The following PXDNL variants were observed in gnomAD, a reference collection of about 807,000 sequenced individuals.
The protein encoded by PXDNL is probable oxidoreductase PXDNL.
Under a neutral mutation model 150.8 loss-of-function variants are expected in PXDNL, and 145 were observed. The observed-to-expected ratio is 0.96, with a 90% CI of 0.84 to 1.10. PXDNL has a LOEUF of 1.10. Ranked by LOEUF, PXDNL falls within the 50% of genes least tolerant of loss-of-function variation. PXDNL has a pLI of 0.00. For synonymous variants in PXDNL, 757 were observed against 725.7 expected (o/e 1.04, Z -0.69); for missense variants, 2,087 against 1,873.9 (o/e 1.11, Z -2.10).
At chr8:51,464,697 A>AAC (rs1810162866) in intron 8 of PXDNL, among the ~76,000 whole-genome samples, 2 of 152,074 alleles carry the variant, frequency 1.3e-5, no homozygotes, top group Non-Finnish European at 2.9e-5. Flanking sequence ...GGAGGGTAAC[A>AAC]TCACACACCA....
intron 2 of PXDNL, among the ~76,000 whole-genome samples, chr8:51,645,652 A>G (rs1376080309): frequency 6.6e-6 from 1 of 152,158 alleles, no homozygotes; most frequent in Admixed American, 6.6e-5. Flanking sequence ...AGGTAAAGAG[A>G]GATTAGAATG....
chr8:51,600,917 A>G (rs7002927), intron 2 of PXDNL, among the ~76,000 whole-genome samples: 1 of 139,116 alleles, frequency 7.2e-6, no homozygotes, highest in Non-Finnish European at 1.5e-5. Context: ...ATTACATCTT[A>G]TATAAATTAT....
chr8:51,383,502 A>T (rs984405132), intron 17 of PXDNL, among the ~76,000 whole-genome samples: 2 of 152,214 alleles, frequency 1.3e-5, no homozygotes, highest in Non-Finnish European at 2.9e-5. Context: ...GGGCGCTGGT[A>T]ACTTTGGCCA....
Position 51,744,075 on chromosome 8 carries a change from AAGGAAGGAAGGAAG to A in PXDNL, c.164+65092_164+65105del, listed in dbSNP as rs1563307159. 9.0e-3 allele frequency among the ~76,000 whole-genome samples: 753 copies of A among 83,890 alleles called. 12 individuals carry two copies. Among genetic ancestry groups the A allele is most frequent in the South Asian group, 0.011 (24 of 2,092 alleles). 55.0% of individuals were successfully genotyped at this position (83,890 alleles called of 152,430 possible). A position where few individuals can be genotyped will look rare whatever the true frequency, so the allele number is the denominator to read the frequency against. On this transcript the variant is annotated intron_variant, in intron 1 of 22. Coordinates refer to ENST00000356297, the MANE Select transcript of PXDNL (RefSeq NM_144651.5). ...GAAGGAAGGAAGGAAGGAAGGAAGGAAGGAAGGAAGGAAGGAAGGAAAGAAAGAAAGAAAGAAAG... is the reference window on the plus strand; with the variant it reads ...GAAGGAAGGAAGGAAGGAAGGAAGGAGAAGGAAAGAAAGAAAGAAAGAAAG...
At chr8:51,644,343 C>T (rs1287832323) in intron 2 of PXDNL, among the ~76,000 whole-genome samples, 8,789 of 44,594 alleles carry the variant, frequency 0.2, 2,151 homozygotes, top group Non-Finnish European at 0.3. Context: ...TATATACACA[C>T]ACACACACAC....
At chr8:51,718,013 T>A (rs996846808) in intron 1 of PXDNL, among the ~76,000 whole-genome samples, 1 of 152,168 alleles carries the variant, frequency 6.6e-6, no homozygotes, top group South Asian at 2.1e-4. Context: ...TTTTTTTTTT[T>A]AATTACTACA....
intron 2 of PXDNL, among the ~76,000 whole-genome samples, chr8:51,612,969 TC>T (rs1418628490): frequency 6.6e-6 from 1 of 152,190 alleles, no homozygotes; most frequent in Non-Finnish European, 1.5e-5. Flanking sequence ...CTGTATGTCA[TC>T]TGTTTCCTGT....
At chr8:51,764,331 T>TA in intron 1 of PXDNL, among the ~76,000 whole-genome samples, 1 of 152,004 alleles carries the variant, frequency 6.6e-6, no homozygotes. Flanking sequence ...AACTTTATGA[T>TA]TTCTTTCATT....
chr8:51,385,996 T>G (rs1234060100), intron 17 of PXDNL, among the ~76,000 whole-genome samples: 2 of 152,176 alleles, frequency 1.3e-5, no homozygotes, highest in Non-Finnish European at 2.9e-5. Context: ...GAAAATGGAC[T>G]AATAGACCAT....
chr8:51,602,724 A>G (rs538266365), intron 2 of PXDNL, among the ~76,000 whole-genome samples: 2 of 151,768 alleles, frequency 1.3e-5, no homozygotes, highest in South Asian at 4.2e-4. Flanking sequence ...TTTCTTTATC[A>G]ACTTATTAAA....
chr8:51,765,042 T>C (rs1025548719), intron 1 of PXDNL, among the ~76,000 whole-genome samples: 13 of 152,328 alleles, frequency 8.5e-5, no homozygotes, highest in African/African-American at 2.9e-4. Context: ...ACAGTCTCCT[T>C]TGTCTCTAGC....
At chr8:51,379,677 T>C (rs1422820428) in intron 17 of PXDNL, among the ~76,000 whole-genome samples, 1 of 152,222 alleles carries the variant, frequency 6.6e-6, no homozygotes, top group Non-Finnish European at 1.5e-5. Context: ...GGTCATTTTA[T>C]CAATTTTTAT....
At chr8:51,643,885 G>C (rs1299604579) in intron 2 of PXDNL, among the ~76,000 whole-genome samples, 1 of 152,124 alleles carries the variant, frequency 6.6e-6, no homozygotes, top group African/African-American at 2.4e-5. Context: ...TGAAGGATAT[G>C]AACAGACACT....
chr8:51,666,807 T>C (rs1228491072), intron 1 of PXDNL, among the ~76,000 whole-genome samples: 1 of 152,216 alleles, frequency 6.6e-6, no homozygotes, highest in East Asian at 1.9e-4. Context: ...CCCTCTTGCA[T>C]GCAGCTGTGG....
intron 5 of PXDNL, among the ~76,000 whole-genome samples, chr8:51,486,439 C>CT (rs1434396083): frequency 6.6e-6 from 1 of 151,794 alleles, no homozygotes; most frequent in African/African-American, 2.4e-5. Flanking sequence ...GCAGATTAAT[C>CT]TAAGTCTCAG....
intron 17 of PXDNL, among the ~76,000 whole-genome samples, chr8:51,377,861 C>G (rs1807386333): frequency 6.6e-6 from 1 of 152,222 alleles, no homozygotes. Context: ...TGCTCCTGCT[C>G]CACAGCACCA....
intron 4 of PXDNL, among the ~76,000 whole-genome samples, chr8:51,543,831 A>G (rs192938808): frequency 1.3e-5 from 2 of 152,280 alleles, no homozygotes; most frequent in African/African-American, 2.4e-5. Context: ...TACAAAAGAG[A>G]TATTTGCTGC....
At chr8:51,640,068 T>A (rs1311565385) in intron 2 of PXDNL, among the ~76,000 whole-genome samples, 1 of 152,206 alleles carries the variant, frequency 6.6e-6, no homozygotes, top group African/African-American at 2.4e-5. Context: ...TCAATACATG[T>A]AATCCAGCAT....
rs986642915 is a variant in PXDNL, at chr8:51,319,805, T to C, written c.*86A>G. 5.0e-5 allele frequency: 63 copies of C among 1,254,266 alleles called. No homozygotes were observed. The Admixed American group carries it at 5.1e-4, about 10-fold the overall frequency. 77.7% of individuals were successfully genotyped at this position (1,254,266 alleles called of 1,614,324 possible). ...AAGTCAGTGGTTTCCATATCAACAA[T>C]GTGACTACAAGTTAAAAGTTCTGAA... On this transcript the variant is annotated 3_prime_UTR_variant, in exon 23 of 23. Transcript: ENST00000356297.
Sources: gnomAD v4.1 joint callset for allele counts (sites outside exome capture counted in the v4.1 genomes callset) on GRCh38, gnomAD v4.1.1 for gene constraint, MANE v1.5 for transcripts, NCBI Gene and HGNC (gene_info 2026-07-23, HGNC 2026-07-21) for gene names.